The following ITFG1 variants were observed in gnomAD, a reference collection of about 807,000 sequenced individuals.
ITFG1 encodes the protein integrin alpha FG-GAP repeat containing 1.
Under a neutral mutation model 81.8 loss-of-function variants are expected in ITFG1, and 34 were observed. The ratio of observed to expected loss-of-function variants is 0.42; its 90% CI spans 0.32 to 0.55. The LOEUF (loss-of-function observed/expected upper bound fraction) is 0.55, where lower values mean the gene tolerates loss of function less well. Among genes scored for constraint, ITFG1 ranks in the 20% least tolerant of loss-of-function variants. The probability of loss-of-function intolerance (pLI) is 0.17; values close to 1 mark genes in which losing one functional copy is unlikely to be tolerated. For synonymous variants in ITFG1, 285 were observed against 270.6 expected (o/e 1.05, Z -0.52); for missense variants, 672 against 755.4 (o/e 0.89, Z 1.29).
intron 10 of ITFG1, among the ~76,000 whole-genome samples, chr16:47,297,298 C>T (rs1261926265): frequency 6.6e-6 from 1 of 152,134 alleles, no homozygotes; most frequent in African/African-American, 2.4e-5. Context: ...CCTTTACCCA[C>T]AGTCTGTAAG....
chr16:47,328,337 G>A (rs1209255561), intron 8 of ITFG1, among the ~76,000 whole-genome samples: 3 of 152,046 alleles, frequency 2.0e-5, no homozygotes, highest in East Asian at 1.9e-4. Context: ...GGGGGAAGGC[G>A]GGAGCGATAG....
intron 5 of ITFG1, among the ~76,000 whole-genome samples, chr16:47,429,213 T>C (rs541626316): frequency 3.5e-4 from 54 of 152,344 alleles, no homozygotes; most frequent in Non-Finnish European, 5.9e-5. Flanking sequence ...TCATACACTA[T>C]GTGGTCTTCT....
chr16:47,361,421 A>G (rs1179536907), intron 8 of ITFG1, among the ~76,000 whole-genome samples: 1 of 152,176 alleles, frequency 6.6e-6, no homozygotes, highest in Non-Finnish European at 1.5e-5. Context: ...ATATAATTTA[A>G]TAAGAGATAA....
intron 8 of ITFG1, among the ~76,000 whole-genome samples, chr16:47,326,486 G>C (rs1385883371): frequency 6.6e-6 from 1 of 152,140 alleles, no homozygotes; most frequent in Admixed American, 6.6e-5. Context: ...CAATTAGGCA[G>C]GAGAAGGAAA....
At chr16:47,336,252 G>T (rs1967702392) in intron 8 of ITFG1, among the ~76,000 whole-genome samples, 1 of 152,180 alleles carries the variant, frequency 6.6e-6, no homozygotes, top group Non-Finnish European at 1.5e-5. Context: ...AGAAATAACT[G>T]TCAGAACTCT....
At chr16:47,311,199 C>T (rs374745413) in intron 10 of ITFG1, 41 bp downstream of exon 10, 4 of 1,446,448 alleles carry the variant, frequency 2.8e-6, no homozygotes, top group East Asian at 2.3e-5. Context: ...ATATTTCTCA[C>T]ATAGTTTACA....
intron 14 of ITFG1, among the ~76,000 whole-genome samples, chr16:47,191,790 C>T (rs770290090): frequency 6.6e-6 from 1 of 152,176 alleles, no homozygotes; most frequent in Non-Finnish European, 1.5e-5. Flanking sequence ...GCTGGGATTA[C>T]AGGCGTGAGC....
chr16:47,429,139 T>C (rs1969061669), intron 5 of ITFG1, among the ~76,000 whole-genome samples: 1 of 152,174 alleles, frequency 6.6e-6, no homozygotes, highest in Non-Finnish European at 1.5e-5. Context: ...GTACTCTATT[T>C]CCCCTTATTG....
At chr16:47,312,988 T>C (rs986952448) in intron 9 of ITFG1, 2 of 152,218 alleles carry the variant, frequency 1.3e-5, no homozygotes, top group Admixed American at 6.5e-5. Context: ...AGATAAAACT[T>C]ACAGGTATAA....
chr16:47,190,819 C>T (rs538315676), intron 14 of ITFG1, among the ~76,000 whole-genome samples: 3 of 152,288 alleles, frequency 2.0e-5, no homozygotes, highest in Admixed American at 6.5e-5. Context: ...GTTGACTGGG[C>T]AGTTTCTGCT....
chr16:47,348,820 G>T (rs1967901730), intron 8 of ITFG1, among the ~76,000 whole-genome samples: 1 of 152,172 alleles, frequency 6.6e-6, no homozygotes, highest in African/African-American at 2.4e-5. Flanking sequence ...GAAAGGTCGG[G>T]TTACCCACAA....
intron 5 of ITFG1, among the ~76,000 whole-genome samples, chr16:47,435,515 C>CTCAAAGAATGAATTTG (rs1254366545): frequency 9.9e-5 from 15 of 152,196 alleles, no homozygotes; most frequent in Non-Finnish European, 1.8e-4. Context: ...CACCCTTAAT[C>CTCAAAGAATGAATTTG]TCAAAGAATG....
intron 10 of ITFG1, among the ~76,000 whole-genome samples, chr16:47,296,806 C>G (rs1966988894): frequency 1.3e-5 from 2 of 152,168 alleles, no homozygotes; most frequent in Admixed American, 1.3e-4. Context: ...TGAAAAGATA[C>G]TTGACATGAG....
intron 6 of ITFG1, among the ~76,000 whole-genome samples, chr16:47,385,300 TAAAC>T (rs745770760): frequency 3.9e-5 from 6 of 152,188 alleles, no homozygotes; most frequent in South Asian, 2.1e-4. Flanking sequence ...TCAAAAAAAT[TAAAC>T]AAAGTTTATT....
At chr16:47,370,986 C>T (rs1333752269) in intron 7 of ITFG1, among the ~76,000 whole-genome samples, 1 of 152,182 alleles carries the variant, frequency 6.6e-6, no homozygotes, top group Non-Finnish European at 1.5e-5. Flanking sequence ...TAGTTAGCTG[C>T]AATTTTGGAT....
chr16:47,208,764 G>A (rs575248202), intron 14 of ITFG1, among the ~76,000 whole-genome samples: 23 of 152,252 alleles, frequency 1.5e-4, no homozygotes, highest in African/African-American at 4.3e-4. Context: ...GTGGGATACC[G>A]TTAGAGATAA....
chr16:47,375,845 T>C (rs1968316655), intron 7 of ITFG1, 31 bp downstream of exon 7: 1 of 1,362,606 alleles, frequency 7.3e-7, no homozygotes, highest in East Asian at 2.3e-5. Context: ...AAGCCATCAT[T>C]TTAAAATGCT....
chr16:47,399,410 A>G (rs1322918154), intron 6 of ITFG1, among the ~76,000 whole-genome samples: 1 of 152,148 alleles, frequency 6.6e-6, no homozygotes, highest in Non-Finnish European at 1.5e-5. Context: ...CATCTCTACT[A>G]AAAATACAAA....
intron 10 of ITFG1, among the ~76,000 whole-genome samples, chr16:47,270,961 A>G (rs1304070458): frequency 3.3e-5 from 5 of 152,204 alleles, no homozygotes; most frequent in African/African-American, 4.8e-5. Context: ...GGATATGTTC[A>G]TTATCTTGAT....
Sources: gnomAD v4.1 joint callset for allele counts (sites outside exome capture counted in the v4.1 genomes callset) on GRCh38, gnomAD v4.1.1 for gene constraint, MANE v1.5 for transcripts, NCBI Gene and HGNC (gene_info 2026-07-23, HGNC 2026-07-21) for gene names.